EXOC4: variants seen among roughly 807,000 people sequenced by gnomAD.
EXOC4 encodes exocyst complex component 4.
A neutral mutation model predicts 107.2 loss-of-function variants in EXOC4; 71 were observed. That is an observed-to-expected ratio of 0.66 (90% CI 0.55 to 0.81). EXOC4 has a LOEUF of 0.81. Ranked by LOEUF, EXOC4 falls within the 30% of genes least tolerant of loss-of-function variation. EXOC4 has a pLI of 0.00. For synonymous variants in EXOC4, 456 were observed against 441.2 expected (o/e 1.03, Z -0.42); for missense variants, 1,108 against 1,189.6 (o/e 0.93, Z 1.01).
At chr7:133,533,293 C>T (rs1800213874) in intron 9 of EXOC4, among the ~76,000 whole-genome samples, 1 of 152,084 alleles carries the variant, frequency 6.6e-6, no homozygotes, top group Non-Finnish European at 1.5e-5. Context: ...TAATATACTT[C>T]TCTAATTTAT....
chr7:133,358,639 C>T (rs1352013215), intron 6 of EXOC4, among the ~76,000 whole-genome samples: 1 of 152,068 alleles, frequency 6.6e-6, no homozygotes, highest in Admixed American at 6.6e-5. Context: ...GCTGCAAGTT[C>T]CTAGATGAAT....
At chr7:133,666,582 T>C (rs1166265094) in intron 10 of EXOC4, among the ~76,000 whole-genome samples, 1 of 152,198 alleles carries the variant, frequency 6.6e-6, no homozygotes, top group African/African-American at 2.4e-5. Context: ...ATGCAGTTTA[T>C]AAGCAACTAG....
chr7:133,784,555 C>T (rs1052102811), intron 10 of EXOC4, among the ~76,000 whole-genome samples: 3 of 152,128 alleles, frequency 2.0e-5, no homozygotes, highest in Non-Finnish European at 4.4e-5. Context: ...AGCTGACAGT[C>T]CAGGCTAGTC....
intron 13 of EXOC4, 143 bp from the exon 14 acceptor site, chr7:133,937,748 C>A: frequency 1.3e-6 from 1 of 743,520 alleles, no homozygotes; most frequent in Non-Finnish European, 2.2e-6. Context: ...ATAGTTGTCT[C>A]ACAAAGTTAA....
chr7:133,349,345 C>T (rs1271462897), intron 5 of EXOC4, among the ~76,000 whole-genome samples: 1 of 152,074 alleles, frequency 6.6e-6, no homozygotes, highest in Non-Finnish European at 1.5e-5. Flanking sequence ...TCTTGGCAAC[C>T]ACCATTCTAC....
At chr7:133,514,738 G>A (rs1799840718) in intron 9 of EXOC4, among the ~76,000 whole-genome samples, 2 of 152,228 alleles carry the variant, frequency 1.3e-5, no homozygotes, top group South Asian at 4.2e-4. Context: ...AACATTTTTT[G>A]AGTTGATTAC....
intron 14 of EXOC4, among the ~76,000 whole-genome samples, chr7:133,977,404 A>G (rs192029019): frequency 4.9e-4 from 75 of 152,346 alleles, no homozygotes; most frequent in African/African-American, 1.7e-3. Flanking sequence ...AAAAGATACT[A>G]GAGTTTATGT....
chr7:133,745,312 C>T (rs1795651030), intron 10 of EXOC4, among the ~76,000 whole-genome samples: 1 of 152,060 alleles, frequency 6.6e-6, no homozygotes, highest in African/African-American at 2.4e-5. Flanking sequence ...AGTACAGCTG[C>T]CTGGTTTGAA....
intron 9 of EXOC4, among the ~76,000 whole-genome samples, chr7:133,508,385 G>A (rs1799705135): frequency 6.6e-6 from 1 of 152,104 alleles, no homozygotes; most frequent in African/African-American, 2.4e-5. Flanking sequence ...TGATGCTGAT[G>A]GAGGGACCAC....
chr7:133,713,147 A>T (rs1045964804), intron 10 of EXOC4, among the ~76,000 whole-genome samples: 1 of 152,236 alleles, frequency 6.6e-6, no homozygotes, highest in South Asian at 2.1e-4. Context: ...AGGAAAAAAA[A>T]TAGCTAAGAA....
At chr7:134,028,006 T>C (rs1795181932) in intron 17 of EXOC4, among the ~76,000 whole-genome samples, 1 of 152,174 alleles carries the variant, frequency 6.6e-6, no homozygotes, top group African/African-American at 2.4e-5. Flanking sequence ...TGTCAGGAGC[T>C]CTCAGCCTTA....
chr7:133,598,414 A>G (rs546567105), intron 9 of EXOC4, among the ~76,000 whole-genome samples: 1 of 152,298 alleles, frequency 6.6e-6, no homozygotes, highest in South Asian at 2.1e-4. Flanking sequence ...TGCAGAACTT[A>G]TTGTATGTGG....
intron 17 of EXOC4, among the ~76,000 whole-genome samples, chr7:134,019,508 G>T (rs1442177247): frequency 6.6e-6 from 1 of 152,084 alleles, no homozygotes; most frequent in Admixed American, 6.6e-5. Flanking sequence ...CTCAGCACAT[G>T]ACATGAACGT....
At chr7:133,782,021 G>A (rs562881913) in intron 10 of EXOC4, among the ~76,000 whole-genome samples, 8 of 152,230 alleles carry the variant, frequency 5.3e-5, no homozygotes, top group Admixed American at 4.6e-4. Context: ...TATGTGAATC[G>A]TTTTGTGAGA....
chr7:133,993,259 G>T (rs1166725602), intron 14 of EXOC4, among the ~76,000 whole-genome samples: 1 of 152,118 alleles, frequency 6.6e-6, no homozygotes, highest in Non-Finnish European at 1.5e-5. Context: ...CGAACAATAT[G>T]TTCTTTTGTT....
intron 7 of EXOC4, among the ~76,000 whole-genome samples, chr7:133,422,935 C>CAATCCAAAATGAGCTAA: frequency 2.4e-5 from 1 of 41,714 alleles, no homozygotes; most frequent in East Asian, 1.9e-3. Context: ...ATTAATGGAG[C>CAATCCAAAATGAGCTAA]AGGCCGGGCG....
intron 1 of EXOC4, among the ~76,000 whole-genome samples, chr7:133,273,287 G>C (rs1013662622): frequency 6.6e-6 from 1 of 152,162 alleles, no homozygotes; most frequent in Non-Finnish European, 1.5e-5. Flanking sequence ...TTGAAGCCCA[G>C]TTTCGTTTAC....
At chr7:133,365,172 G>A (rs1327785316) in intron 6 of EXOC4, among the ~76,000 whole-genome samples, 1 of 152,074 alleles carries the variant, frequency 6.6e-6, no homozygotes, top group Non-Finnish European at 1.5e-5. Context: ...TCCTCTAGGG[G>A]CATTCTTGTA....
At chr7:134,070,378 A>G (rs113203398), downstream of EXOC4, among the ~76,000 whole-genome samples, 9 of 152,366 alleles carry the variant, frequency 5.9e-5, no homozygotes, top group East Asian at 1.7e-3. Context: ...AATTTTGAAG[A>G]GGTGTAGTAA....
Sources: allele counts gnomAD v4.1 joint callset (sites outside exome capture counted in the v4.1 genomes callset), GRCh38; gene constraint gnomAD v4.1.1; transcripts MANE v1.5; gene names NCBI Gene and HGNC (gene_info 2026-07-23, HGNC 2026-07-21).